Variants in ELAVL2 observed in about 807,000 individuals in gnomAD.
ELAVL2 encodes the protein ELAV-like protein 2.
In ELAVL2, 4 loss-of-function variants were observed where a neutral mutation model predicts 34.6. The ratio of observed to expected loss-of-function variants is 0.12; its 90% confidence interval spans 0.06 to 0.26. The LOEUF (loss-of-function observed/expected upper bound fraction) is 0.26, where lower values mean the gene tolerates loss of function less well. Ranked by LOEUF, ELAVL2 falls within the 10% of genes least tolerant of loss-of-function variation. ELAVL2 has a pLI of 1.00. For synonymous variants in ELAVL2, 193 were observed against 154.8 expected, an observed-to-expected ratio of 1.25 and a Z score of -1.83; for missense variants, 432 against 442.8, an observed-to-expected ratio of 0.98 and a Z score of 0.22.
chr9:23,696,361 G>C (rs1216080130), intron 5 of ELAVL2, among the ~76,000 whole-genome samples: 1 of 152,180 alleles, frequency 6.6e-6, no homozygotes, highest in African/African-American at 2.4e-5. Context: ...CTGTAACACA[G>C]GCAGTTGTAA....
intron 1 of ELAVL2, among the ~76,000 whole-genome samples, chr9:23,809,366 A>G (rs1017603945): frequency 2.6e-5 from 4 of 152,132 alleles, no homozygotes; most frequent in Admixed American, 6.6e-5. Flanking sequence ...TCTCAATTCT[A>G]AGACATTTGG....
chr9:23,747,064 G>C (rs1048604795), intron 2 of ELAVL2, among the ~76,000 whole-genome samples: 1 of 152,050 alleles, frequency 6.6e-6, no homozygotes, highest in African/African-American at 2.4e-5. Context: ...GCCGAGTACA[G>C]TAGTCCTCCA....
chr9:23,837,640 G>C, the ELAVL2 span, among the ~76,000 whole-genome samples: 1 of 152,144 alleles, frequency 6.6e-6, no homozygotes, highest in Non-Finnish European at 1.5e-5. Flanking sequence ...CAAGTCCTTA[G>C]CCACTATTTA....
At position 23,737,874 on chromosome 9, in the gene ELAVL2, C is replaced by T. The variant is rs372540676; in HGVS notation, c.230-6749G>A. ...TTTTAAAAAGCAAAATGGAAAGATT[C>T]GCTTCCTCCAAACACAGCTCTTGCA... On this transcript the variant is annotated intron_variant, in intron 2 of 6. Coordinates refer to ENST00000397312, the MANE Select transcript of ELAVL2 (RefSeq NM_004432.5). 1.8e-4 allele frequency among the ~76,000 whole-genome samples: 27 copies of T among 152,238 alleles called. 1 individual carries two copies. In the South Asian group the frequency reaches 5.6e-3, roughly 32 times the overall value.
At chr9:23,693,377 G>C (rs2033904312) in intron 6 of ELAVL2, 71 bp downstream of exon 6, 2 of 1,571,428 alleles carry the variant, frequency 1.3e-6, no homozygotes, top group African/African-American at 1.3e-5. Context: ...GGTGTGAATA[G>C]CACTCCCAAA....
intron 2 of ELAVL2, among the ~76,000 whole-genome samples, chr9:23,755,360 C>T (rs2053294368): frequency 6.6e-6 from 1 of 152,074 alleles, no homozygotes; most frequent in Admixed American, 6.6e-5. Context: ...TAAAAATACC[C>T]AGGTTCAAGT....
At chr9:23,779,469 G>T in intron 1 of ELAVL2, 1 of 950,498 alleles carries the variant, frequency 1.1e-6, no homozygotes, top group Non-Finnish European at 1.3e-6. Context: ...TGGGTGGGCG[G>T]GCTTCCTTCT....
At chr9:23,700,854 T>C (rs1317477521) in intron 5 of ELAVL2, among the ~76,000 whole-genome samples, 8 of 150,826 alleles carry the variant, frequency 5.3e-5, no homozygotes, top group Admixed American at 4.6e-4. Flanking sequence ...GACCTAAAAA[T>C]TGACACATGA....
At chr9:23,834,125 A>C in the ELAVL2 span, among the ~76,000 whole-genome samples, 11 of 152,138 alleles carry the variant, frequency 7.2e-5, no homozygotes, top group African/African-American at 2.6e-4. Context: ...ATTATATTTT[A>C]CGAAATGATA....
chr9:23,737,852 TA>T (rs2048261887), intron 2 of ELAVL2, among the ~76,000 whole-genome samples: 1 of 152,190 alleles, frequency 6.6e-6, no homozygotes, highest in Non-Finnish European at 1.5e-5. Context: ...GCAATACTTT[TA>T]AAAAGCAAAA....
intron 1 of ELAVL2, among the ~76,000 whole-genome samples, chr9:23,807,119 C>G (rs2062340130): frequency 6.6e-6 from 1 of 152,144 alleles, no homozygotes; most frequent in South Asian, 2.1e-4. Context: ...TTCCTAAAGA[C>G]CAGCTTATAT....
At chr9:23,718,044 T>C (rs2042754246) in intron 3 of ELAVL2, among the ~76,000 whole-genome samples, 1 of 152,190 alleles carries the variant, frequency 6.6e-6, no homozygotes, top group African/African-American at 2.4e-5. Context: ...GCTACTGACC[T>C]TTCCTACAAA....
At chr9:23,802,563 C>G (rs535068676) in intron 1 of ELAVL2, among the ~76,000 whole-genome samples, 12 of 152,300 alleles carry the variant, frequency 7.9e-5, no homozygotes, top group African/African-American at 2.6e-4. Flanking sequence ...TTTTAAGACT[C>G]AGATGGGCCT....
chr9:23,726,259 T>C (rs1464494247), intron 3 of ELAVL2, among the ~76,000 whole-genome samples: 1 of 152,106 alleles, frequency 6.6e-6, no homozygotes, highest in Admixed American at 6.6e-5. Context: ...ATATTCTCAT[T>C]TTTATAATAG....
In ELAVL2 at chr9:23,691,902, T is replaced by C. The variant is rs2033296533; in HGVS notation, c.*655A>G. ...AAATTTTCTTTTTTATAAAAATAGATGCTTTTTTTAAACCCACATCAAAGA... is the reference window on the plus strand; with the variant it reads ...AAATTTTCTTTTTTATAAAAATAGACGCTTTTTTTAAACCCACATCAAAGA... On this transcript the variant is annotated 3_prime_UTR_variant, in exon 7 of 7. Transcript: ENST00000397312. 1 of 152,572 alleles carries C rather than the reference T, an allele frequency of 6.6e-6. No individual in the cohort carries two copies. The highest frequency in any genetic ancestry group is 2.4e-5 in the African/African-American group (1 of 41,428). 9.5% of individuals were successfully genotyped at this position (152,572 alleles called of 1,614,324 possible).
chr9:23,715,538 C>G (rs1016504860), intron 3 of ELAVL2, among the ~76,000 whole-genome samples: 1 of 152,226 alleles, frequency 6.6e-6, no homozygotes, highest in African/African-American at 2.4e-5. Context: ...TCACTGAAAA[C>G]AACGCAGGCT....
chr9:23,819,215 T>C (rs1279289077), intron 1 of ELAVL2, among the ~76,000 whole-genome samples: 1 of 152,208 alleles, frequency 6.6e-6, no homozygotes, highest in Non-Finnish European at 1.5e-5. Flanking sequence ...AATGATGGTA[T>C]ATGACACTCA....
chr9:23,784,070 C>T (rs570585174), intron 1 of ELAVL2, among the ~76,000 whole-genome samples: 1 of 151,938 alleles, frequency 6.6e-6, no homozygotes, highest in Non-Finnish European at 1.5e-5. Context: ...TGGTGGCGGG[C>T]GCCTGTAATC....
Position 23,793,854 on chromosome 9 carries a change from C to T in ELAVL2, c.-15-31605G>A, listed in dbSNP as rs562677154. Among the ~76,000 whole-genome samples the T allele has an allele frequency of 1.3e-4, 20 of 152,254 alleles. 1 individual carries two copies. In the South Asian group the frequency reaches 3.9e-3, roughly 30 times the overall value. ...TTCTCCCTACTGGTTCCAATTTACACGCATGCTCTTCATTATAAGCTTTGC... is the reference window on the plus strand; with the variant it reads ...TTCTCCCTACTGGTTCCAATTTACATGCATGCTCTTCATTATAAGCTTTGC... On this transcript the variant is annotated intron_variant, in intron 1 of 6. Transcript: ENST00000397312.
Sources: allele counts gnomAD v4.1 joint callset (sites outside exome capture counted in the v4.1 genomes callset), GRCh38; gene constraint gnomAD v4.1.1; transcripts MANE v1.5; gene names NCBI Gene and HGNC (gene_info 2026-07-23, HGNC 2026-07-21).